The following PTPRQ variants were observed in gnomAD, a reference collection of about 807,000 sequenced individuals.
PTPRQ encodes protein tyrosine phosphatase receptor type Q.
In PTPRQ, 199 loss-of-function variants were observed where a neutral mutation model predicts 246.0. That is an observed-to-expected ratio of 0.81 (90% CI 0.72 to 0.91). The LOEUF (loss-of-function observed/expected upper bound fraction) is 0.91, where lower values mean the gene tolerates loss of function less well. Among genes scored for constraint, PTPRQ ranks in the 40% least tolerant of loss-of-function variants. The pLI, the probability that PTPRQ is intolerant of heterozygous loss-of-function variation, is 0.00. For missense variants in PTPRQ, 2,624 were observed against 2,528.4 expected, an observed-to-expected ratio of 1.04 and a Z score of -0.81; for synonymous variants, 869 against 853.2, an observed-to-expected ratio of 1.02 and a Z score of -0.32.
At chr12:80,475,903 A>G (rs11114469) in intron 8 of PTPRQ, among the ~76,000 whole-genome samples, 28,820 of 152,034 alleles carry the variant, frequency 0.19, 2,929 homozygotes, top group Middle Eastern at 0.24. Context: ...AGACAGTAAA[A>G]TATATATAGT....
chr12:80,449,610 C>A (rs1217835790), intron 3 of PTPRQ, among the ~76,000 whole-genome samples: 7 of 151,730 alleles, frequency 4.6e-5, no homozygotes, highest in African/African-American at 1.7e-4. Context: ...CCAGTTTTCC[C>A]AGCACCATTT....
intron 8 of PTPRQ, among the ~76,000 whole-genome samples, chr12:80,472,711 A>G (rs1893679581): frequency 6.6e-6 from 1 of 152,246 alleles, no homozygotes; most frequent in African/African-American, 2.4e-5. Context: ...GATGTATGAT[A>G]TAGATTTACC....
intron 25 of PTPRQ, among the ~76,000 whole-genome samples, chr12:80,555,051 A>C (rs778190192): frequency 4.6e-5 from 7 of 151,962 alleles, no homozygotes; most frequent in Non-Finnish European, 1.0e-4. Context: ...AGTAGCTGAG[A>C]TCATAGGTGT....
Position 80,656,821 on chromosome 12 carries a change from T to G in PTPRQ, c.6116-1164T>G, listed in dbSNP as rs550384660. Among the ~76,000 whole-genome samples the G allele has an allele frequency of 3.4e-3, 516 of 151,610 alleles. 2 individuals are homozygous for G. The highest frequency in any genetic ancestry group is 0.012 in the African/African-American group (495 of 41,458). ...GAAATGTTAAAAAATTGATACTATTTGTTGTTCCAACGACAACAGATAAAC... is the reference window on the plus strand; with the variant it reads ...GAAATGTTAAAAAATTGATACTATTGGTTGTTCCAACGACAACAGATAAAC... On this transcript the variant is annotated intron_variant, in intron 38 of 44. Transcript: ENST00000644991.
At chr12:80,677,847 A>G (rs948804658) in intron 43 of PTPRQ, among the ~76,000 whole-genome samples, 2 of 152,322 alleles carry the variant, frequency 1.3e-5, no homozygotes, top group South Asian at 2.1e-4. Flanking sequence ...ATTCCTTTAA[A>G]GTCAGATATG....
intron 4 of PTPRQ, among the ~76,000 whole-genome samples, chr12:80,459,042 A>T (rs886357392): frequency 1.3e-5 from 2 of 152,108 alleles, no homozygotes; most frequent in African/African-American, 4.8e-5. Flanking sequence ...TTTTTTTCAT[A>T]CTTATTTGAA....
intron 16 of PTPRQ, among the ~76,000 whole-genome samples, chr12:80,508,964 C>T (rs1012781964): frequency 6.6e-6 from 1 of 151,916 alleles, no homozygotes; most frequent in Non-Finnish European, 1.5e-5. Context: ...TAATTGAAGT[C>T]CTTTTTGTAA....
intron 17 of PTPRQ, among the ~76,000 whole-genome samples, chr12:80,527,501 C>T (rs1416048388): frequency 6.6e-6 from 1 of 151,806 alleles, no homozygotes; most frequent in Non-Finnish European, 1.5e-5. Flanking sequence ...AATAATTATT[C>T]CCATATTATC....
chr12:80,616,253 C>A lies in PTPRQ; in HGVS notation c.5217C>A (p.Thr1739=). Residue 1739 remains threonine, a synonymous_variant, in exon 30 of 45, where the codon ACC becomes ACA. Transcript: ENST00000644991. The stretch of plus-strand genomic sequence containing the variant: ...GTCCAAAGGTTCCGATGAGAATAAC[C>A]ATGGATATCAAAGGTACATACATGA... ...GAGPKVPMRI[T]MDIKAPARPK... The A allele has an allele frequency of 6.7e-7, 1 of 1,489,094 alleles. No individual in the cohort carries two copies. Among genetic ancestry groups the A allele is most frequent in the African/African-American group, 1.4e-5 (1 of 69,376 alleles). 92.2% of individuals were successfully genotyped at this position (1,489,094 alleles called of 1,614,324 possible). A position where few individuals can be genotyped will look rare whatever the true frequency, so the allele number is the denominator to read the frequency against.
At chr12:80,641,429 G>A (rs1899851090) in intron 35 of PTPRQ, among the ~76,000 whole-genome samples, 1 of 152,110 alleles carries the variant, frequency 6.6e-6, no homozygotes, top group Non-Finnish European at 1.5e-5. Flanking sequence ...GCTGAATGGG[G>A]CCAAAGCTCC....
rs186699911 is a variant in PTPRQ at position 80,608,659 on chromosome 12, C to T, written c.4732-1780C>T. ...GTGGAAGTGTAGAATTCTATGGACT[C>T]TTGAAAGACCTGGGCTCAAATCCTT... On this transcript the variant is annotated intron_variant, in intron 27 of 44. Coordinates refer to ENST00000644991, the MANE Select transcript of PTPRQ (RefSeq NM_001145026.2). 6.7e-3 allele frequency among the ~76,000 whole-genome samples: 1,009 copies of T among 150,012 alleles called. 12 individuals carry two copies. Among genetic ancestry groups the T allele is most frequent in the African/African-American group, 0.023 (960 of 41,156 alleles).
chr12:80,616,093 A>AAC, intron 29 of PTPRQ, 107 bp from the exon 30 acceptor site: 1 of 572,474 alleles, frequency 1.7e-6, no homozygotes, highest in Admixed American at 5.2e-5. Context: ...ATATATATAT[A>AAC]TAACTATATA....
intron 25 of PTPRQ, among the ~76,000 whole-genome samples, chr12:80,574,524 A>G (rs1441244276): frequency 6.6e-6 from 1 of 152,002 alleles, no homozygotes; most frequent in Non-Finnish European, 1.5e-5. Flanking sequence ...GGTTAACTAT[A>G]TATTTTTAGC....
intron 39 of PTPRQ, among the ~76,000 whole-genome samples, chr12:80,665,837 A>G (rs1900769513): frequency 6.6e-6 from 1 of 152,090 alleles, no homozygotes; most frequent in African/African-American, 2.4e-5. Context: ...CAGGCATATG[A>G]AAGATTGCTC....
intron 35 of PTPRQ, among the ~76,000 whole-genome samples, chr12:80,648,548 A>G (rs1900152260): frequency 6.6e-6 from 1 of 152,084 alleles, no homozygotes; most frequent in Admixed American, 6.6e-5. Context: ...TTTAAAATCC[A>G]CATTAGCTCT....
chr12:80,566,746 C>G (rs772292939), intron 25 of PTPRQ, among the ~76,000 whole-genome samples: 1 of 152,008 alleles, frequency 6.6e-6, no homozygotes, highest in Non-Finnish European at 1.5e-5. Context: ...CACTATGTTG[C>G]CTAGGCTGGT....
At chr12:80,615,066 G>A (rs1011415109) in intron 29 of PTPRQ, among the ~76,000 whole-genome samples, 3 of 150,948 alleles carry the variant, frequency 2.0e-5, no homozygotes, top group African/African-American at 4.8e-5. Context: ...GTGTGCGAAT[G>A]ACTTCTTTGC....
intron 16 of PTPRQ, among the ~76,000 whole-genome samples, chr12:80,507,500 A>G (rs2120703368): frequency 6.6e-6 from 1 of 151,934 alleles, no homozygotes; most frequent in Middle Eastern, 3.4e-3. Flanking sequence ...TGTGACTGTT[A>G]AGGGCAGAAT....
rs1893530190 is a variant in PTPRQ at position 80,468,813 on chromosome 12, T to C, written c.1014T>C (p.Tyr338=). 9.0e-6 allele frequency: 14 copies of C among 1,549,746 alleles called. No homozygotes were observed. The highest frequency in any genetic ancestry group is 1.2e-5 in the Non-Finnish European group (14 of 1,146,120). Residue 338 remains tyrosine (Y), a synonymous_variant, in exon 7 of 45, where the codon TAT becomes TAC. Coordinates refer to ENST00000644991, the MANE Select transcript of PTPRQ (RefSeq NM_001145026.2). The part of the protein sequence containing the change: ...PPTIVTGKFS[Y]RVELYGPSGR... ...CTATAGTAACAGGGAAATTTAGTTA[T>C]AGAGTTGAATTATATGGACCATCAG...
Sources: allele counts gnomAD v4.1 joint callset (sites outside exome capture counted in the v4.1 genomes callset), GRCh38; gene constraint gnomAD v4.1.1; transcripts MANE v1.5; gene names NCBI Gene and HGNC (gene_info 2026-07-23, HGNC 2026-07-21).